Variants in SLC5A10 observed in about 807,000 individuals in gnomAD.
The protein encoded by SLC5A10 is sodium/mannose cotransporter SLC5A10.
In SLC5A10, 55 loss-of-function variants were observed where a neutral mutation model predicts 68.9. The ratio of observed to expected loss-of-function variants is 0.80; its 90% CI spans 0.64 to 1.00. The LOEUF (loss-of-function observed/expected upper bound fraction) is 1.00. Among genes scored for constraint, SLC5A10 ranks in the 50% least tolerant of loss-of-function variants. The pLI, the probability that SLC5A10 is intolerant of heterozygous loss-of-function variation, is 0.00. For missense variants in SLC5A10, 732 were observed against 819.3 expected, an observed-to-expected ratio of 0.89 and a Z score of 1.30; for synonymous variants, 344 against 344.8, an observed-to-expected ratio of 1.00 and a Z score of 0.02.
At chr17:19,016,300 C>G (rs1022266750) in intron 11 of SLC5A10, among the ~76,000 whole-genome samples, 1 of 152,166 alleles carries the variant, frequency 6.6e-6, no homozygotes, top group Non-Finnish European at 1.5e-5. Flanking sequence ...TCCACCTCAG[C>G]GGGCTGGGAT....
intron 1 of SLC5A10, among the ~76,000 whole-genome samples, chr17:18,954,713 CT>C (rs1405942360): frequency 1.3e-5 from 2 of 152,162 alleles, no homozygotes; most frequent in Non-Finnish European, 2.9e-5. Context: ...TGAGCTGAGC[CT>C]TTGCATTCAT....
chr17:18,999,233 G>A (rs376218098), intron 9 of SLC5A10, among the ~76,000 whole-genome samples: 12 of 152,084 alleles, frequency 7.9e-5, no homozygotes, highest in African/African-American at 2.7e-4. Flanking sequence ...AGCAGAGATC[G>A]TGCCACTGCA....
At chr17:18,982,916 T>G (rs2043174936) in intron 9 of SLC5A10, among the ~76,000 whole-genome samples, 1 of 152,240 alleles carries the variant, frequency 6.6e-6, no homozygotes, top group Non-Finnish European at 1.5e-5. Context: ...CTACTCATCC[T>G]TGTGCTGCAA....
At chr17:18,981,250 T>G (rs1597855706) in intron 9 of SLC5A10, among the ~76,000 whole-genome samples, 4 of 146,520 alleles carry the variant, frequency 2.7e-5, no homozygotes, top group African/African-American at 5.1e-5. Context: ...CAGGGGGAGG[T>G]GGGGAAGCAT....
intron 9 of SLC5A10, among the ~76,000 whole-genome samples, chr17:19,011,341 G>T (rs1445093988): frequency 6.6e-6 from 1 of 152,182 alleles, no homozygotes; most frequent in African/African-American, 2.4e-5. Flanking sequence ...TGGGAGGAGG[G>T]ACTACGTCTG....
At chr17:18,962,514 C>A (rs2042630859) in intron 5 of SLC5A10, among the ~76,000 whole-genome samples, 1 of 152,136 alleles carries the variant, frequency 6.6e-6, no homozygotes, top group African/African-American at 2.4e-5. Context: ...GATTGACACA[C>A]AACAGGCCCG....
rs1330301519 is a variant in SLC5A10, at chr17:19,020,314, A to G, written c.1685-11A>G. The G allele has an allele frequency of 2.5e-6, 4 of 1,613,174 alleles. No homozygotes were observed. The highest frequency in any genetic ancestry group is 3.3e-5 in the Admixed American group (2 of 59,964). ...CTTCATCTGTCCCTCTCCTTCTGCA[A>G]CCCCCTCCAGGTGATGGCCAAACAC... On this transcript the variant is annotated splice_polypyrimidine_tract_variant and intron_variant, in intron 14 of 14. Transcript: ENST00000395645.
At chr17:18,953,925 C>T (rs745380556) in intron 1 of SLC5A10, 81 of 152,338 alleles carry the variant, frequency 5.3e-4, no homozygotes, top group Admixed American at 1.8e-3. Context: ...GCTCCTCAAC[C>T]TGTATGTGAT....
chr17:18,971,839 G>A lies in SLC5A10; in HGVS notation c.846+621G>A, dbSNP rs1567785949. On this transcript the variant is annotated intron_variant, in intron 8 of 14. Transcript: ENST00000395645. The surrounding 1 kb of genome is among the most constrained non-coding windows in gnomAD (Gnocchi z 5.5). The stretch of plus-strand genomic sequence containing the variant: ...CTGCTCAGGCACACAGGAGCCGGCA[G>A]GCCCGGGTTCGCCTCCTGGCTCTGC... The A allele has an allele frequency of 1.4e-6, 2 of 1,438,168 alleles. No individual in the cohort carries two copies. Among genetic ancestry groups the A allele is most frequent in the Non-Finnish European group, 9.3e-7 (1 of 1,079,308 alleles). 89.1% of individuals were successfully genotyped at this position (1,438,168 alleles called of 1,614,324 possible).
intron 5 of SLC5A10, among the ~76,000 whole-genome samples, chr17:18,967,045 G>A (rs920966168): frequency 5.9e-5 from 9 of 152,214 alleles, no homozygotes; most frequent in African/African-American, 1.9e-4. Context: ...AGGGCTGTGT[G>A]GCTCTTGGCA....
intron 9 of SLC5A10, among the ~76,000 whole-genome samples, chr17:19,007,771 G>A (rs1411972748): frequency 6.6e-6 from 1 of 152,144 alleles, no homozygotes; most frequent in African/African-American, 2.4e-5. Context: ...ATGTTGATGA[G>A]GTCCAGTTTA....
intron 5 of SLC5A10, among the ~76,000 whole-genome samples, chr17:18,964,717 C>T (rs538318203): frequency 6.6e-6 from 1 of 152,228 alleles, no homozygotes; most frequent in South Asian, 2.1e-4. Context: ...GTGGGAAGCT[C>T]ATGGGGCTGG....
Position 19,020,524 on chromosome 17 carries a change from T to G in SLC5A10, c.*93T>G. On this transcript the variant is annotated 3_prime_UTR_variant, in exon 15 of 15. Coordinates refer to ENST00000395645, the MANE Select transcript of SLC5A10 (RefSeq NM_001042450.4). ...TCCCGAGGCCCCAAGAGGGGCAGATTCCCCTCACAGCTGCACAGCAGCTCG... is the reference window on the plus strand; with the variant it reads ...TCCCGAGGCCCCAAGAGGGGCAGATGCCCCTCACAGCTGCACAGCAGCTCG... The G allele has an allele frequency of 8.1e-7, 1 of 1,228,040 alleles. No homozygotes were observed. The highest frequency in any genetic ancestry group is 1.2e-6 in the Non-Finnish European group (1 of 861,188). The allele number at this position is 1,228,040 out of a possible 1,614,324, so 76.1% of individuals were successfully genotyped here. A position where few individuals can be genotyped will look rare whatever the true frequency, so the allele number is the denominator to read the frequency against.
intron 9 of SLC5A10, among the ~76,000 whole-genome samples, chr17:19,002,810 C>T (rs1021453485): frequency 7.9e-5 from 12 of 152,124 alleles, no homozygotes; most frequent in African/African-American, 2.9e-4. Context: ...ACTGCATAGC[C>T]CAACAGGGGT....
chr17:18,976,492 G>A, intron 8 of SLC5A10: 1 of 205,128 alleles, frequency 4.9e-6, no homozygotes, highest in Non-Finnish European at 9.7e-6. Flanking sequence ...CTGTCATGAG[G>A]GTCCAGGAGA....
intron 11 of SLC5A10, among the ~76,000 whole-genome samples, chr17:19,016,931 C>T (rs1301734469): frequency 6.6e-6 from 1 of 152,164 alleles, no homozygotes; most frequent in Non-Finnish European, 1.5e-5. Context: ...CACTGGTAGC[C>T]CCTGTACCTG....
chr17:19,021,950 C>CCGGGCTGCTCACAGGTGCA lies in SLC5A10; in HGVS notation c.*1528_*1546dup. 6.6e-7 allele frequency: 1 copy of CCGGGCTGCTCACAGGTGCA among 1,507,730 alleles called. No individual in the cohort carries two copies. Among genetic ancestry groups the CCGGGCTGCTCACAGGTGCA allele is most frequent in the African/African-American group, 1.4e-5 (1 of 71,008 alleles). 93.4% of individuals were successfully genotyped at this position (1,507,730 alleles called of 1,614,324 possible). On this transcript the variant is annotated 3_prime_UTR_variant, in exon 15 of 15. Coordinates refer to ENST00000395645, the MANE Select transcript of SLC5A10 (RefSeq NM_001042450.4). The surrounding 1 kb of genome is among the most constrained non-coding windows in gnomAD (Gnocchi z 4.1). The stretch of plus-strand genomic sequence containing the variant: ...AAAGGCCCGTTGGCCAGATCGGCCG[C>CCGGGCTGCTCACAGGTGCA]CGGGCTGCTCACAGGTGCACGGGCT...
intron 5 of SLC5A10, among the ~76,000 whole-genome samples, chr17:18,960,986 C>T (rs1444512288): frequency 6.6e-6 from 1 of 152,172 alleles, no homozygotes; most frequent in South Asian, 2.1e-4. Flanking sequence ...GAGCCACGAT[C>T]TCCCACTAGG....
chr17:18,965,886 G>A (rs1045282261), intron 5 of SLC5A10, among the ~76,000 whole-genome samples: 1 of 152,210 alleles, frequency 6.6e-6, no homozygotes, highest in African/African-American at 2.4e-5. Context: ...TAGGACGGTG[G>A]GACTTTGACA....
Sources: gnomAD v4.1 joint callset for allele counts (sites outside exome capture counted in the v4.1 genomes callset) on GRCh38, gnomAD v4.1.1 for gene constraint, Gnocchi (gnomAD v3.1) non-coding constraint, MANE v1.5 for transcripts, NCBI Gene and HGNC (gene_info 2026-07-23, HGNC 2026-07-21) for gene names.